UBE3A: variants seen among roughly 807,000 people sequenced by gnomAD.
The protein encoded by UBE3A is ubiquitin protein ligase E3A.
UBE3A carries 6 observed loss-of-function variants against 83.4 expected under a neutral mutation model. That is an observed-to-expected ratio of 0.07 (90% CI 0.04 to 0.14). The LOEUF (loss-of-function observed/expected upper bound fraction) is 0.14, where lower values mean the gene tolerates loss of function less well. UBE3A is among the 10% of genes least tolerant of loss of function. The probability of loss-of-function intolerance (pLI) is 1.00; values close to 1 mark genes in which losing one functional copy is unlikely to be tolerated. For missense variants in UBE3A, 456 were observed against 1,036.1 expected, an observed-to-expected ratio of 0.44 and a Z score of 7.69; for synonymous variants, 337 against 355.4, an observed-to-expected ratio of 0.95 and a Z score of 0.58.
At chr15:25,352,781 C>A (rs975614165) in intron 11 of UBE3A, among the ~76,000 whole-genome samples, 43 of 152,198 alleles carry the variant, frequency 2.8e-4, no homozygotes, top group Admixed American at 1.9e-3. Flanking sequence ...AATTAAGAAG[C>A]TGAATTTAGT....
At chr15:25,406,893 A>G (rs1286130854) in intron 3 of UBE3A, among the ~76,000 whole-genome samples, 1 of 150,496 alleles carries the variant, frequency 6.6e-6, no homozygotes, top group Non-Finnish European at 1.5e-5. Context: ...CAGCTCAAAT[A>G]TTTATTTTAG....
At chr15:25,397,719 T>G (rs2085910121) in intron 4 of UBE3A, among the ~76,000 whole-genome samples, 4 of 152,286 alleles carry the variant, frequency 2.6e-5, no homozygotes, top group Non-Finnish European at 5.9e-5. Flanking sequence ...GAAACTCATG[T>G]CATCTAACCG....
In UBE3A at chr15:25,336,595, C is replaced by T. The variant is rs947826022; in HGVS notation, c.*2542G>A. The T allele has an allele frequency of 5.3e-5, 8 of 152,008 alleles. No individual in the cohort carries two copies. Among genetic ancestry groups the T allele is most frequent in the African/African-American group, 1.9e-4 (8 of 41,388 alleles). 9.4% of individuals were successfully genotyped at this position (152,008 alleles called of 1,614,324 possible). A position where few individuals can be genotyped will look rare whatever the true frequency, so the allele number is the denominator to read the frequency against. ...TCATCTCCCTATACAAGCAAGCATC[C>T]CCAAAAGTAGTTGTCTCAGGAAACC... On this transcript the variant is annotated 3_prime_UTR_variant, in exon 13 of 13. Transcript: ENST00000648336.
chr15:25,360,330 T>C, intron 7 of UBE3A, 53 bp downstream of exon 7: 1 of 1,608,196 alleles, frequency 6.2e-7, no homozygotes. Context: ...GATAAACAAA[T>C]AACTAACTCA....
At chr15:25,391,003 T>C (rs568450886) in intron 4 of UBE3A, among the ~76,000 whole-genome samples, 7 of 151,870 alleles carry the variant, frequency 4.6e-5, no homozygotes, top group Non-Finnish European at 1.0e-4. Context: ...CACCTGGGTA[T>C]ACTTCCAAAT....
intron 1 of UBE3A, among the ~76,000 whole-genome samples, chr15:25,430,122 TAAG>T (rs1327045150): frequency 1.6e-4 from 12 of 73,234 alleles, no homozygotes; most frequent in South Asian, 3.8e-4. Context: ...TACATATATA[TAAG>T]ATTATATATA....
At chr15:25,410,363 G>A (rs2089711842) in intron 2 of UBE3A, among the ~76,000 whole-genome samples, 1 of 152,052 alleles carries the variant, frequency 6.6e-6, no homozygotes, top group Non-Finnish European at 1.5e-5. Flanking sequence ...CCTCTTTACT[G>A]ACACTGTAGT....
At chr15:25,398,935 G>T (rs568386771) in intron 4 of UBE3A, among the ~76,000 whole-genome samples, 1 of 150,408 alleles carries the variant, frequency 6.6e-6, no homozygotes, top group South Asian at 2.1e-4. Context: ...CCTGCCATGC[G>T]CAATATATCT....
At chr15:25,340,601 T>C (rs2074578573) in intron 11 of UBE3A, among the ~76,000 whole-genome samples, 1 of 152,030 alleles carries the variant, frequency 6.6e-6, no homozygotes, top group African/African-American at 2.4e-5. Context: ...TTTGGAAAAA[T>C]TAACTCCAGG....
chr15:25,396,902 G>A (rs1007497186), intron 4 of UBE3A, among the ~76,000 whole-genome samples: 10 of 152,054 alleles, frequency 6.6e-5, no homozygotes, highest in African/African-American at 1.9e-4. Context: ...CATTCAAGGC[G>A]TTACTTAAAA....
intron 11 of UBE3A, chr15:25,346,761 G>A (rs2075747914): frequency 6.6e-6 from 1 of 152,280 alleles, no homozygotes. Flanking sequence ...GGGCTCAACA[G>A]TAGAGTGAAG....
chr15:25,342,685 A>G (rs992394041), intron 11 of UBE3A, among the ~76,000 whole-genome samples: 3 of 152,150 alleles, frequency 2.0e-5, no homozygotes, highest in African/African-American at 4.8e-5. Flanking sequence ...ACTAGGAGAC[A>G]GAACAATAAA....
At position 25,333,791 on chromosome 15, in the gene UBE3A, T is replaced by A. The variant is rs2073833755; in HGVS notation, c.*5346A>T. 1 of 149,246 alleles carries A rather than the reference T, an allele frequency of 6.7e-6. No homozygotes were observed. Among genetic ancestry groups the A allele is most frequent in the African/African-American group, 2.5e-5 (1 of 40,256 alleles). 9.2% of individuals were successfully genotyped at this position (149,246 alleles called of 1,614,324 possible). On this transcript the variant is annotated 3_prime_UTR_variant, in exon 13 of 13. Transcript: ENST00000648336. ...CTGAGATTATCCCAGGAATGCAAAGTTAATTCAATATACAAAAGTCCATTA... is the reference window on the plus strand; with the variant it reads ...CTGAGATTATCCCAGGAATGCAAAGATAATTCAATATACAAAAGTCCATTA...
chr15:25,433,408 G>A (rs1050609715), intron 1 of UBE3A, among the ~76,000 whole-genome samples: 5 of 151,968 alleles, frequency 3.3e-5, no homozygotes, highest in African/African-American at 1.2e-4. Context: ...GGATGGTCTC[G>A]ATCTCCTGAT....
intron 11 of UBE3A, among the ~76,000 whole-genome samples, chr15:25,353,472 GCAGGTTCTGAGTCC>G (rs369480104): frequency 1.2e-4 from 18 of 152,222 alleles, no homozygotes; most frequent in African/African-American, 4.3e-4. Context: ...CTCTGTATAT[GCAGGTTCTGAGTCC>G]CACCAATACT....
chr15:25,435,567 C>T (rs946634671), intron 1 of UBE3A, among the ~76,000 whole-genome samples: 5 of 152,044 alleles, frequency 3.3e-5, no homozygotes, highest in Non-Finnish European at 1.5e-5. Flanking sequence ...TATAGAGCCC[C>T]GTCTACTCTT....
rs1567067584 is a variant in UBE3A, at chr15:25,398,784, TATATATATATATATA to T, written c.62+6662_62+6676del. On this transcript the variant is annotated intron_variant, in intron 4 of 12. Transcript: ENST00000648336. ...TTATTCTTTTATTTATATATATATA[TATATATATATATATA>T]TATATATATATATATAAAAATACAT... Among the ~76,000 whole-genome samples the T allele has an allele frequency of 1.5e-4, 8 of 53,042 alleles. 1 individual carries two copies. Among genetic ancestry groups the T allele is most frequent in the African/African-American group, 7.5e-4 (8 of 10,678 alleles). The allele number at this position is 53,042 out of a possible 152,430, so 34.8% of individuals were successfully genotyped here.
chr15:25,423,798 C>G (rs887677646), intron 1 of UBE3A, among the ~76,000 whole-genome samples: 6 of 152,196 alleles, frequency 3.9e-5, no homozygotes, highest in Non-Finnish European at 8.8e-5. Flanking sequence ...ACTCCATTCT[C>G]TCAGCTGCTC....
intron 1 of UBE3A, among the ~76,000 whole-genome samples, chr15:25,433,752 T>C (rs1229192271): frequency 6.6e-6 from 1 of 152,058 alleles, no homozygotes; most frequent in Non-Finnish European, 1.5e-5. Context: ...AATCAAATAG[T>C]AACGACTCAT....
Sources: allele counts gnomAD v4.1 joint callset (sites outside exome capture counted in the v4.1 genomes callset), GRCh38; gene constraint gnomAD v4.1.1; transcripts MANE v1.5; gene names NCBI Gene and HGNC (gene_info 2026-07-23, HGNC 2026-07-21).